Variants in SVIL observed in about 807,000 individuals in gnomAD.
The protein encoded by SVIL is supervillin, also known as archvillin.
Under a neutral mutation model 240.4 loss-of-function variants are expected in SVIL, and 101 were observed. The observed-to-expected ratio is 0.42, with a 90% CI of 0.36 to 0.50. The LOEUF is 0.50. Ranked by LOEUF, SVIL falls within the 20% of genes least tolerant of loss-of-function variation. The pLI is 0.01. For synonymous variants in SVIL, 999 were observed against 1,100.0 expected, an observed-to-expected ratio of 0.91 and a Z score of 1.82; for missense variants, 2,512 against 2,818.7, an observed-to-expected ratio of 0.89 and a Z score of 2.46.
chr10:29,600,721 A>G (rs554703850), intron 1 of SVIL, among the ~76,000 whole-genome samples: 2 of 152,326 alleles, frequency 1.3e-5, no homozygotes, highest in East Asian at 3.9e-4. Context: ...AAAGGACCCT[A>G]TGCAAAAACG....
intron 1 of SVIL, among the ~76,000 whole-genome samples, chr10:29,715,735 T>C (rs1963574894): frequency 6.6e-6 from 1 of 152,198 alleles, no homozygotes; most frequent in African/African-American, 2.4e-5. Context: ...GCCAAACTCC[T>C]AAAATTCCTG....
intron 1 of SVIL, among the ~76,000 whole-genome samples, chr10:29,602,805 G>A (rs1412038506): frequency 6.6e-6 from 1 of 152,190 alleles, no homozygotes; most frequent in Non-Finnish European, 1.5e-5. Flanking sequence ...GGTCAACATG[G>A]TGAAACCCTG....
At position 29,601,117 on chromosome 10, in the gene SVIL, A is replaced by C. The variant is rs117513008; in HGVS notation, c.-200-31805T>G. On this transcript the variant is annotated intron_variant, in intron 1 of 37. Transcript: ENST00000355867. ...CATCCTATCTCAGAAATATGTGACT[A>C]CAATTATAGACATTGGTCATCCAAG... Among the ~76,000 whole-genome samples, 1,223 of 152,322 alleles carry C rather than the reference A, an allele frequency of 8.0e-3. 22 individuals are homozygous for C. Among genetic ancestry groups the C allele is most frequent in the Middle Eastern group, 0.054 (16 of 294 alleles).
intron 1 of SVIL, among the ~76,000 whole-genome samples, chr10:29,632,333 A>G (rs1302315853): frequency 6.6e-6 from 1 of 152,064 alleles, no homozygotes; most frequent in East Asian, 1.9e-4. Flanking sequence ...TCTACTAAAA[A>G]TACAAAAATT....
intron 2 of SVIL, among the ~76,000 whole-genome samples, chr10:29,567,313 T>C (rs1955053608): frequency 6.6e-6 from 1 of 152,234 alleles, no homozygotes; most frequent in African/African-American, 2.4e-5. Flanking sequence ...ACTATTACAA[T>C]GACTGTCCAG....
At chr10:29,494,812 C>T in intron 20 of SVIL, 102 bp downstream of exon 20, 1 of 1,087,238 alleles carries the variant, frequency 9.2e-7, no homozygotes, top group Non-Finnish European at 1.4e-6. Context: ...TTTCTCTAAT[C>T]AGTCTTGACC....
upstream of SVIL, among the ~76,000 whole-genome samples, chr10:29,639,469 CTT>C (rs138064127): frequency 6.6e-3 from 830 of 125,394 alleles, 8 homozygotes; most frequent in African/African-American, 0.021. Flanking sequence ...GCGCCTGGCC[CTT>C]TTTTTTTTTT....
At chr10:29,554,588 A>G (rs1371969669) in intron 5 of SVIL, among the ~76,000 whole-genome samples, 195 bp downstream of exon 5, 1 of 152,184 alleles carries the variant, frequency 6.6e-6, no homozygotes, top group Non-Finnish European at 1.5e-5. Flanking sequence ...CCCAGGAGTT[A>G]AGGCTGCAGC....
chr10:29,522,741 G>A (rs531308344), intron 15 of SVIL, 106 bp from the exon 16 acceptor site: 16 of 1,277,934 alleles, frequency 1.3e-5, no homozygotes, highest in Admixed American at 6.8e-5. Flanking sequence ...GTGGGCACAC[G>A]GCGGGTGACC....
At chr10:29,585,798 T>A (rs1223295965) in intron 1 of SVIL, among the ~76,000 whole-genome samples, 1 of 151,828 alleles carries the variant, frequency 6.6e-6, no homozygotes, top group Non-Finnish European at 1.5e-5. Context: ...CAGTCAGGAG[T>A]CAGAGTGAGC....
At chr10:29,662,223 C>T (rs1050774600) in intron 2 of SVIL, among the ~76,000 whole-genome samples, 1 of 152,202 alleles carries the variant, frequency 6.6e-6, no homozygotes, top group Non-Finnish European at 1.5e-5. Flanking sequence ...CGGTCTCATA[C>T]AAATCTTTCA....
intron 3 of SVIL, among the ~76,000 whole-genome samples, chr10:29,561,043 G>C (rs1222610925): frequency 1.3e-5 from 2 of 151,132 alleles, no homozygotes. Context: ...GGATGGTCTC[G>C]ATCTCCTGAC....
chr10:29,568,691 T>C (rs2132716740), intron 2 of SVIL, among the ~76,000 whole-genome samples: 1 of 152,242 alleles, frequency 6.6e-6, no homozygotes, highest in South Asian at 2.1e-4. Context: ...TTAGCACCCA[T>C]AATATTCTGT....
chr10:29,619,373 G>A (rs1374693375), intron 1 of SVIL, among the ~76,000 whole-genome samples: 1 of 152,180 alleles, frequency 6.6e-6, no homozygotes, highest in East Asian at 1.9e-4. Flanking sequence ...AAATGATTTT[G>A]TTCAGTTAAA....
chr10:29,613,069 C>A (rs962464747), intron 1 of SVIL, among the ~76,000 whole-genome samples: 1 of 150,206 alleles, frequency 6.7e-6, no homozygotes, highest in Non-Finnish European at 1.5e-5. Flanking sequence ...ACCAGCTACT[C>A]GGGAGGCTGA....
At chr10:29,714,205 A>G (rs1342004895) in intron 1 of SVIL, among the ~76,000 whole-genome samples, 3 of 152,330 alleles carry the variant, frequency 2.0e-5, no homozygotes, top group Admixed American at 2.0e-4. Flanking sequence ...CCATTCCTTC[A>G]TTTAGATGGC....
At chr10:29,528,632 G>A (rs947622564) in intron 12 of SVIL, among the ~76,000 whole-genome samples, 1 of 152,056 alleles carries the variant, frequency 6.6e-6, no homozygotes, top group African/African-American at 2.4e-5. Context: ...CAACTACTTG[G>A]GAGGCTGAGG....
At chr10:29,555,205 G>A in intron 3 of SVIL, 97 bp from the exon 4 acceptor site, 1 of 1,193,548 alleles carries the variant, frequency 8.4e-7, no homozygotes, top group Non-Finnish European at 1.1e-6. Flanking sequence ...GCAAATTTCA[G>A]TTCTTGATTC....
rs759176754 is a variant in SVIL, at chr10:29,532,912, G to A, written c.1455C>T (p.Val485=). 2.5e-6 allele frequency: 4 copies of A among 1,614,108 alleles called. No individual in the cohort carries two copies. The highest frequency in any genetic ancestry group is 2.2e-5 in the East Asian group (1 of 44,880). Residue 485 remains valine (V), a synonymous_variant, in exon 8 of 38, where the codon GTC becomes GTT. Coordinates refer to ENST00000355867, the MANE Select transcript of SVIL (RefSeq NM_021738.3). Reference sequence around the variant, plus strand: ...CCAGTTCCTTCTGATGCTCTAAGGTGACTGTGCTCACAGCAGGCTTACCAA... The same window carrying A: ...CCAGTTCCTTCTGATGCTCTAAGGTAACTGTGCTCACAGCAGGCTTACCAA... ...EDFGKPAVST[V]TLEHQKELEN...
Sources: allele counts gnomAD v4.1 joint callset (sites outside exome capture counted in the v4.1 genomes callset), GRCh38; gene constraint gnomAD v4.1.1; transcripts MANE v1.5; gene names NCBI Gene and HGNC (gene_info 2026-07-23, HGNC 2026-07-21).